CPED1: variants seen among roughly 807,000 people sequenced by gnomAD.
The protein encoded by CPED1 is cadherin like and PC-esterase domain containing 1.
In CPED1, 114 loss-of-function variants were observed where a neutral mutation model predicts 128.2. The ratio of observed to expected loss-of-function variants is 0.89; its 90% CI spans 0.76 to 1.04. The LOEUF (loss-of-function observed/expected upper bound fraction) is 1.04, where lower values mean the gene tolerates loss of function less well. Among genes scored for constraint, CPED1 ranks in the 50% least tolerant of loss-of-function variants. CPED1 has a pLI of 0.00. For missense variants in CPED1, 1,211 were observed against 1,207.1 expected, an observed-to-expected ratio of 1.00 and a Z score of -0.05; for synonymous variants, 462 against 426.7, an observed-to-expected ratio of 1.08 and a Z score of -1.02.
At chr7:121,240,944 C>T (rs1057423900) in intron 17 of CPED1, among the ~76,000 whole-genome samples, 2 of 151,988 alleles carry the variant, frequency 1.3e-5, no homozygotes, top group Non-Finnish European at 2.9e-5. Flanking sequence ...AAACTTTAGG[C>T]TGTGTCTATA....
At chr7:121,282,036 A>C (rs538969734) in intron 22 of CPED1, among the ~76,000 whole-genome samples, 1 of 152,320 alleles carries the variant, frequency 6.6e-6, no homozygotes, top group East Asian at 1.9e-4. Flanking sequence ...AACATATTAC[A>C]AACATTTGCC....
chr7:121,105,984 C>T (rs1317772795), intron 7 of CPED1, among the ~76,000 whole-genome samples: 3 of 152,120 alleles, frequency 2.0e-5, no homozygotes, highest in Non-Finnish European at 4.4e-5. Context: ...AAGCAGATGA[C>T]TCTAAGCCTC....
At chr7:121,272,015 C>T (rs148222226) in intron 22 of CPED1, among the ~76,000 whole-genome samples, 1 of 152,082 alleles carries the variant, frequency 6.6e-6, no homozygotes, top group East Asian at 1.9e-4. Context: ...TACTTCCTCC[C>T]TAACCCTTGA....
intron 22 of CPED1, among the ~76,000 whole-genome samples, chr7:121,276,443 G>A (rs1792331317): frequency 6.6e-6 from 1 of 151,828 alleles, no homozygotes; most frequent in Non-Finnish European, 1.5e-5. Context: ...CATTTATTTT[G>A]TGGTCCAGTT....
At position 121,271,188 on chromosome 7, in the gene CPED1, A is replaced by C. The variant is rs145334863; in HGVS notation, c.2722-96A>C. ...CTTATCTTACACTATGACTAATCCC[A>C]GTAAAAAAGACATTTACATAATTTC... On this transcript the variant is annotated intron_variant, in intron 21 of 22. Coordinates refer to ENST00000310396, the MANE Select transcript of CPED1 (RefSeq NM_024913.5). 632 of 946,954 alleles carry C rather than the reference A, an allele frequency of 6.7e-4. 6 individuals carry two copies. In the African/African-American group the frequency reaches 9.4e-3, roughly 14 times the overall value. The allele number at this position is 946,954 out of a possible 1,614,324, so 58.7% of individuals were successfully genotyped here.
chr7:121,229,501 C>T (rs545817079), intron 16 of CPED1, among the ~76,000 whole-genome samples: 4 of 113,510 alleles, frequency 3.5e-5, no homozygotes, highest in East Asian at 8.0e-4. Flanking sequence ...GATTGATTTT[C>T]GTAGTAGAAA....
At chr7:121,026,973 G>A (rs973839452) in intron 3 of CPED1, among the ~76,000 whole-genome samples, 1 of 150,876 alleles carries the variant, frequency 6.6e-6, no homozygotes, top group Non-Finnish European at 1.5e-5. Flanking sequence ...AGCACTACAG[G>A]AGCGTGCCAC....
At chr7:121,281,741 C>T (rs550402352) in intron 22 of CPED1, among the ~76,000 whole-genome samples, 1 of 152,206 alleles carries the variant, frequency 6.6e-6, no homozygotes, top group South Asian at 2.1e-4. Context: ...AAATATTTGT[C>T]TTTGAAACAC....
At chr7:121,232,222 C>G (rs917017158) in intron 16 of CPED1, among the ~76,000 whole-genome samples, 43 of 152,208 alleles carry the variant, frequency 2.8e-4, no homozygotes, top group Non-Finnish European at 5.6e-4. Context: ...TCCATTCCCC[C>G]TCACCTGTTT....
At chr7:121,279,339 C>A (rs1488838032) in intron 22 of CPED1, among the ~76,000 whole-genome samples, 1 of 151,890 alleles carries the variant, frequency 6.6e-6, no homozygotes, top group East Asian at 1.9e-4. Flanking sequence ...AAAAATCATG[C>A]ATGAAGTACA....
intron 22 of CPED1, among the ~76,000 whole-genome samples, chr7:121,286,419 C>T (rs1792574687): frequency 1.3e-5 from 2 of 152,300 alleles, no homozygotes; most frequent in East Asian, 3.9e-4. Context: ...CATAACTAAA[C>T]AAGCATGGCA....
intron 7 of CPED1, among the ~76,000 whole-genome samples, chr7:121,112,915 T>A (rs1466208111): frequency 1.3e-5 from 2 of 152,122 alleles, no homozygotes; most frequent in African/African-American, 4.8e-5. Context: ...AATGTGAGAA[T>A]AGGGAAATAT....
chr7:121,113,055 C>G (rs973352347), intron 7 of CPED1, among the ~76,000 whole-genome samples: 6 of 152,032 alleles, frequency 3.9e-5, no homozygotes, highest in Admixed American at 2.0e-4. Flanking sequence ...GGTATAGAAA[C>G]AGTATAATTT....
intron 4 of CPED1, among the ~76,000 whole-genome samples, chr7:121,047,487 G>C (rs1793228862): frequency 6.6e-6 from 1 of 152,002 alleles, no homozygotes; most frequent in African/African-American, 2.4e-5. Flanking sequence ...TTTACCATGT[G>C]CTAATCACTG....
At chr7:121,034,846 G>T (rs962175362) in intron 3 of CPED1, among the ~76,000 whole-genome samples, 1 of 152,148 alleles carries the variant, frequency 6.6e-6, no homozygotes, top group African/African-American at 2.4e-5. Context: ...GCATTTCTGA[G>T]TAGCAAGGCT....
intron 16 of CPED1, among the ~76,000 whole-genome samples, chr7:121,202,782 A>T (rs1353836111): frequency 6.6e-6 from 1 of 152,076 alleles, no homozygotes; most frequent in African/African-American, 2.4e-5. Context: ...CCATTTTGCA[A>T]GTGGTGAGCC....
In CPED1 at chr7:121,295,586, T is replaced by A. The variant is rs775910200; in HGVS notation, c.3015T>A (p.Gly1005=). 1.9e-6 allele frequency: 3 copies of A among 1,613,878 alleles called. No homozygotes were observed. The highest frequency in any genetic ancestry group is 1.7e-6 in the Non-Finnish European group (2 of 1,179,962). ...TNFRSPYHVR[G]PINQVCSEIL... is the part of the protein sequence containing the mutation. ...TTCGATCGCCATATCATGTCAGAGG[T>A]CCAATAAATCAGGTTTGTTCTGAAA... The change falls in exon 23 of 23, where the codon GGT becomes GGA. Residue 1005 remains glycine (G), a synonymous_variant. Transcript: ENST00000310396.
intron 5 of CPED1, among the ~76,000 whole-genome samples, chr7:121,091,523 C>G (rs6466767): frequency 0.3 from 45,863 of 151,986 alleles, 7,265 homozygotes; most frequent in Middle Eastern, 0.39. Context: ...TGTAGCTACT[C>G]TTTGAAATTT....
chr7:121,225,498 G>C (rs536866820), intron 16 of CPED1, among the ~76,000 whole-genome samples: 62 of 152,148 alleles, frequency 4.1e-4, no homozygotes, highest in Non-Finnish European at 7.5e-4. Flanking sequence ...GGTGATCTCT[G>C]TATTTCCTGA....
Sources: gnomAD v4.1 joint callset for allele counts (sites outside exome capture counted in the v4.1 genomes callset) on GRCh38, gnomAD v4.1.1 for gene constraint, MANE v1.5 for transcripts, NCBI Gene and HGNC (gene_info 2026-07-23, HGNC 2026-07-21) for gene names.